Variants in RGS3 observed in about 807,000 individuals in gnomAD.
RGS3 encodes the protein regulator of G-protein signalling 3.
Under a neutral mutation model 132.6 loss-of-function variants are expected in RGS3, and 80 were observed. The ratio of observed to expected loss-of-function variants is 0.60; its 90% CI spans 0.50 to 0.73. RGS3 has a LOEUF of 0.73. Ranked by LOEUF, RGS3 falls within the 30% of genes least tolerant of loss-of-function variation. RGS3 has a pLI of 0.00. For synonymous variants in RGS3, 598 were observed against 620.6 expected, an observed-to-expected ratio of 0.96 and a Z score of 0.54; for missense variants, 1,382 against 1,530.8, an observed-to-expected ratio of 0.90 and a Z score of 1.62.
chr9:113,480,821 C>T (rs1414058876), intron 4 of RGS3, among the ~76,000 whole-genome samples: 1 of 152,196 alleles, frequency 6.6e-6, no homozygotes. Flanking sequence ...ATGTGTCCAT[C>T]CTTCCATCCG....
At chr9:113,500,089 A>G (rs1457641218) in intron 10 of RGS3, among the ~76,000 whole-genome samples, 8 of 152,162 alleles carry the variant, frequency 5.3e-5, no homozygotes, top group Admixed American at 4.6e-4. Context: ...GGTGGCTTGT[A>G]AAGTCCTCCT....
rs551425358 is a variant in RGS3, at chr9:113,583,824, G to A, written c.2412G>A (p.Gln804=). Reference sequence around the variant, plus strand: ...TCACCAAAGACCTCCCTGCCATCCAGGAATCCCCCACCCGGGACCTTCCAC... The same window carrying A: ...TCACCAAAGACCTCCCTGCCATCCAAGAATCCCCCACCCGGGACCTTCCAC... Residue 804 remains glutamine (Q), a synonymous_variant, in exon 20 of 25, where the codon CAG becomes CAA. Transcript: ENST00000350696. 58 of 1,614,006 alleles carry A rather than the reference G, an allele frequency of 3.6e-5. No individual in the cohort carries two copies. The East Asian group carries it at 1.1e-3, about 31-fold the overall frequency.
intron 19 of RGS3, among the ~76,000 whole-genome samples, chr9:113,550,874 G>A (rs1255749865): frequency 6.6e-6 from 1 of 152,032 alleles, no homozygotes; most frequent in East Asian, 1.9e-4. Context: ...AAGGATATTT[G>A]TGTGTTAGCC....
intron 3 of RGS3, chr9:113,479,062 C>T (rs538755175): frequency 1.6e-5 from 3 of 182,876 alleles, no homozygotes; most frequent in African/African-American, 7.0e-5. Context: ...GGAATGAAGA[C>T]TTTTAGGTGG....
intron 7 of RGS3, 116 bp from the exon 6 acceptor site, chr9:113,495,670 G>A (rs1830658187): frequency 2.5e-6 from 2 of 814,140 alleles, no homozygotes; most frequent in Middle Eastern, 2.2e-4. Context: ...AGATGATGTG[G>A]GTAAAAAGCT....
At chr9:113,481,500 G>A (rs545815030) in intron 4 of RGS3, among the ~76,000 whole-genome samples, 8 of 152,350 alleles carry the variant, frequency 5.3e-5, no homozygotes, top group South Asian at 4.1e-4. Context: ...GGGGCCCAAC[G>A]TGAAGTTCCC....
intron 19 of RGS3, chr9:113,581,567 G>A (rs1042531291): frequency 5.9e-5 from 9 of 152,216 alleles, no homozygotes; most frequent in African/African-American, 7.2e-5. Flanking sequence ...AGGAGCTTTC[G>A]AGCTTTCCAG....
chr9:113,476,202 A>G (rs1445857385), intron 3 of RGS3, among the ~76,000 whole-genome samples: 1 of 152,200 alleles, frequency 6.6e-6, no homozygotes, highest in Non-Finnish European at 1.5e-5. Context: ...CGCAGTGGGC[A>G]CAGCAGAGGA....
Position 113,462,271 on chromosome 9 carries a change from T to A in RGS3, c.415+70T>A, listed in dbSNP as rs116116511. 4.4e-3 allele frequency: 3,597 copies of A among 821,326 alleles called. 92 individuals carry two copies. In the African/African-American group the frequency reaches 0.066, roughly 15 times the overall value. The allele number at this position is 821,326 out of a possible 1,614,324, so 50.9% of individuals were successfully genotyped here. The stretch of plus-strand genomic sequence containing the variant: ...CTCTTGTTAAAGGCAGTGTTCACCA[T>A]GTGTGTGTGTAACCGGGGTTGGAGG... On this transcript the variant is annotated intron_variant, in intron 3 of 24. Coordinates refer to ENST00000350696, the Ensembl canonical transcript of RGS3.
intron 16 of RGS3, among the ~76,000 whole-genome samples, chr9:113,518,364 A>T (rs936088523): frequency 6.6e-6 from 1 of 152,232 alleles, no homozygotes. Flanking sequence ...TGGAAAGATC[A>T]GGAAACTTGG....
At chr9:113,450,990 C>T (rs561737754) in intron 1 of RGS3, among the ~76,000 whole-genome samples, 8 of 151,802 alleles carry the variant, frequency 5.3e-5, no homozygotes, top group African/African-American at 1.9e-4. Flanking sequence ...CCAGCCTGGC[C>T]AATATGGTGA....
intron 18 of RGS3, among the ~76,000 whole-genome samples, chr9:113,535,033 T>C (rs1832622434): frequency 2.0e-5 from 3 of 152,222 alleles, no homozygotes; most frequent in Admixed American, 2.0e-4. Flanking sequence ...AAATAACAAA[T>C]ATTATTGTCT....
intron 19 of RGS3, chr9:113,582,379 G>A (rs142231964): frequency 4.2e-4 from 80 of 188,488 alleles, no homozygotes; most frequent in African/African-American, 1.8e-3. Context: ...TGTGCCCGCA[G>A]GTGCACACAT....
rs1214235235 is a variant in RGS3 at position 113,528,974 on chromosome 9, G to A, written c.1871-247G>A. Among the ~76,000 whole-genome samples the A allele has an allele frequency of 2.0e-5, 3 of 152,220 alleles. No homozygotes were observed. The East Asian group carries it at 5.8e-4, about 29-fold the overall frequency. ...GGTGCTGCTGGCTACCTCTCCTGGGGATGAGGTTTCAGCATTCCTTGGGCC... is the reference window on the plus strand; with the variant it reads ...GGTGCTGCTGGCTACCTCTCCTGGGAATGAGGTTTCAGCATTCCTTGGGCC... On this transcript the variant is annotated intron_variant, in intron 17 of 24. Coordinates refer to ENST00000350696, the Ensembl canonical transcript of RGS3.
intron 7 of RGS3, among the ~76,000 whole-genome samples, chr9:113,491,396 G>C (rs866972504): frequency 6.6e-6 from 1 of 151,296 alleles, no homozygotes; most frequent in East Asian, 1.9e-4. Flanking sequence ...CTCTGCAGGC[G>C]CATGCCACCA....
chr9:113,452,911 T>TATATATTTATATATAATATATAAATAAA (rs1829277849), intron 1 of RGS3, among the ~76,000 whole-genome samples: 2 of 135,638 alleles, frequency 1.5e-5, no homozygotes, highest in Non-Finnish European at 3.1e-5. Flanking sequence ...AAATATATAT[T>TATATATTTATATATAATATATAAATAAA]ATATATTTAT....
intron 19 of RGS3, among the ~76,000 whole-genome samples, chr9:113,550,612 A>G (rs955282722): frequency 4.6e-5 from 7 of 152,224 alleles, no homozygotes; most frequent in South Asian, 2.1e-4. Flanking sequence ...AAACTCCTCA[A>G]TCAAATCAAG....
intron 19 of RGS3, chr9:113,541,535 G>A: frequency 6.5e-7 from 1 of 1,535,188 alleles, no homozygotes; most frequent in Non-Finnish European, 8.8e-7. Flanking sequence ...GGACCAAGAT[G>A]GTGGGTCTAG....
chr9:113,541,361 G>A (rs540256544), intron 19 of RGS3: 3 of 1,613,732 alleles, frequency 1.9e-6, no homozygotes, highest in East Asian at 2.2e-5. Flanking sequence ...AGATGGGGCC[G>A]GTCAACTCAA....
Sources: gnomAD v4.1 joint callset for allele counts (sites outside exome capture counted in the v4.1 genomes callset) on GRCh38, gnomAD v4.1.1 for gene constraint, MANE v1.5 for transcripts, NCBI Gene and HGNC (gene_info 2026-07-23, HGNC 2026-07-21) for gene names.